The following CBLN2 variants were observed in gnomAD, a reference collection of about 807,000 sequenced individuals.
CBLN2 encodes cerebellin-2.
In CBLN2, 7 loss-of-function variants were observed where a neutral mutation model predicts 15.0. The ratio of observed to expected loss-of-function variants is 0.47; its 90% CI spans 0.27 to 0.88. The LOEUF is 0.88. CBLN2 is among the 40% of genes least tolerant of loss of function. CBLN2 has a pLI of 0.14. For synonymous variants in CBLN2, 149 were observed against 135.2 expected (o/e 1.10, Z -0.71); for missense variants, 242 against 304.5 (o/e 0.79, Z 1.53).
chr18:72,539,886 A>G (rs2069095978), intron 3 of CBLN2: 1 of 152,220 alleles, frequency 6.6e-6, no homozygotes, highest in African/African-American at 2.4e-5. Flanking sequence ...TGGGAATACA[A>G]ACTTCAACTG....
At chr18:72,561,731 G>A (rs2069262868) in intron 1 of CBLN2, among the ~76,000 whole-genome samples, 1 of 152,182 alleles carries the variant, frequency 6.6e-6, no homozygotes, top group Non-Finnish European at 1.5e-5. Flanking sequence ...TTTTCTGAGA[G>A]TTGGATATGG....
At chr18:72,622,556 G>A (rs1413971659) in intron 1 of CBLN2, among the ~76,000 whole-genome samples, 1 of 152,072 alleles carries the variant, frequency 6.6e-6, no homozygotes, top group African/African-American at 2.4e-5. Context: ...CTGAATTGTT[G>A]CCTTAGATTC....
chr18:72,607,891 C>T (rs1347655224), intron 1 of CBLN2, among the ~76,000 whole-genome samples: 2 of 152,114 alleles, frequency 1.3e-5, no homozygotes, highest in South Asian at 4.1e-4. Context: ...TTTTTTCTAG[C>T]CACATCCAGC....
Position 72,542,055 on chromosome 18 carries a change from G to GCGCCACCCC in CBLN2, c.97_105dup (p.Gly33_Ala35dup). 1 of 1,581,600 alleles carries GCGCCACCCC rather than the reference G, an allele frequency of 6.3e-7. No individual in the cohort carries two copies. The highest frequency in any genetic ancestry group is 1.1e-5 in the South Asian group (1 of 88,412). On this transcript the variant is annotated inframe_insertion, in exon 3 of 5. Coordinates refer to ENST00000269503, the MANE Select transcript of CBLN2 (RefSeq NM_182511.4). ...GGCAGTAGCAGCAACAGCAGGGCCAGCGCCACCCCCAGGCAGGATCCGCAG... is the reference window on the plus strand; with the variant it reads ...GGCAGTAGCAGCAACAGCAGGGCCAGCGCCACCCCCGCCACCCCCAGGCAGGATCCGCAG...
chr18:72,607,923 C>A (rs1348282790), intron 1 of CBLN2, among the ~76,000 whole-genome samples: 2 of 152,166 alleles, frequency 1.3e-5, no homozygotes, highest in Non-Finnish European at 2.9e-5. Flanking sequence ...CAGTACCTTT[C>A]TGGCAGCTGT....
intron 1 of CBLN2, among the ~76,000 whole-genome samples, chr18:72,557,359 T>C (rs2069233050): frequency 6.6e-6 from 1 of 152,222 alleles, no homozygotes. Flanking sequence ...TGCATGTATC[T>C]TTATAATATA....
chr18:72,625,818 C>CTATATATATATATA (rs56391046), intron 1 of CBLN2, among the ~76,000 whole-genome samples: 9 of 57,396 alleles, frequency 1.6e-4, no homozygotes, highest in South Asian at 8.7e-4. Flanking sequence ...CTCTCTCTCT[C>CTATATATATATATA]TATATATATA....
chr18:72,620,323 G>A (rs1024263577), intron 1 of CBLN2: 1 of 152,180 alleles, frequency 6.6e-6, no homozygotes. Context: ...GAGGTAGCAG[G>A]AACAAATTGA....
At chr18:72,566,334 T>C (rs986949873) in intron 1 of CBLN2, among the ~76,000 whole-genome samples, 2 of 152,164 alleles carry the variant, frequency 1.3e-5, no homozygotes, top group African/African-American at 4.8e-5. Context: ...TCAAATGAAA[T>C]GAAATAAGTA....
intron 1 of CBLN2, among the ~76,000 whole-genome samples, chr18:72,601,328 A>G (rs2069546568): frequency 6.6e-6 from 1 of 152,130 alleles, no homozygotes; most frequent in Admixed American, 6.5e-5. Context: ...TGCAAAGGTG[A>G]TTTCAAAGGT....
intron 1 of CBLN2, among the ~76,000 whole-genome samples, chr18:72,600,930 T>C (rs2144942145): frequency 6.6e-6 from 1 of 152,274 alleles, no homozygotes; most frequent in South Asian, 2.1e-4. Flanking sequence ...CAGCAGAGTC[T>C]GCAGTCATCA....
chr18:72,637,799 A>T (rs2069823966), intron 1 of CBLN2, among the ~76,000 whole-genome samples: 1 of 152,248 alleles, frequency 6.6e-6, no homozygotes, highest in Non-Finnish European at 1.5e-5. Context: ...AAAAGCAGTA[A>T]GCAGAAACCA....
chr18:72,601,718 C>T (rs559489854), intron 1 of CBLN2, among the ~76,000 whole-genome samples: 3 of 152,116 alleles, frequency 2.0e-5, no homozygotes, highest in African/African-American at 7.2e-5. Context: ...AGCGTCCCCA[C>T]CCCATTTTGC....
chr18:72,597,037 T>C (rs1014614862), intron 1 of CBLN2, among the ~76,000 whole-genome samples: 4 of 152,230 alleles, frequency 2.6e-5, no homozygotes, highest in Non-Finnish European at 4.4e-5. Flanking sequence ...TCTACTTTAA[T>C]ACCAATAATT....
At chr18:72,621,184 T>A (rs1401660184) in intron 1 of CBLN2, among the ~76,000 whole-genome samples, 1 of 152,194 alleles carries the variant, frequency 6.6e-6, no homozygotes, top group African/African-American at 2.4e-5. Context: ...ATTCTAGGTA[T>A]TTAAGTATTG....
intron 1 of CBLN2, among the ~76,000 whole-genome samples, chr18:72,590,321 C>G (rs2069472306): frequency 6.6e-6 from 1 of 151,970 alleles, no homozygotes; most frequent in African/African-American, 2.4e-5. Flanking sequence ...GTGGCAGGCA[C>G]TTTTAATCCC....
intron 1 of CBLN2, among the ~76,000 whole-genome samples, chr18:72,579,733 C>CA (rs144676344): frequency 0.53 from 80,748 of 151,038 alleles, 26,064 homozygotes; most frequent in Non-Finnish European, 0.73. Context: ...CTCCGTCTCG[C>CA]AAAAAACAAA....
intron 1 of CBLN2, among the ~76,000 whole-genome samples, chr18:72,561,703 A>G (rs750572840): frequency 6.6e-6 from 1 of 152,198 alleles, no homozygotes; most frequent in South Asian, 2.1e-4. Flanking sequence ...CAGATAAAAC[A>G]TTTAAAAGGC....
chr18:72,548,863 G>A (rs1433728398), upstream of CBLN2, among the ~76,000 whole-genome samples: 2 of 152,114 alleles, frequency 1.3e-5, no homozygotes, highest in Non-Finnish European at 2.9e-5. Context: ...ATTCACATAC[G>A]AGAAAAAGGT....
Sources: allele counts gnomAD v4.1 joint callset (sites outside exome capture counted in the v4.1 genomes callset), GRCh38; gene constraint gnomAD v4.1.1; transcripts MANE v1.5; gene names NCBI Gene and HGNC (gene_info 2026-07-23, HGNC 2026-07-21).